GABRA3: variants seen among roughly 807,000 people sequenced by gnomAD.
GABRA3 encodes the protein gamma-aminobutyric acid receptor subunit alpha-3.
In GABRA3, 10 loss-of-function variants were observed where a neutral mutation model predicts 30.1. The observed-to-expected ratio is 0.33, with a 90% confidence interval of 0.20 to 0.56. GABRA3 has a LOEUF of 0.56. GABRA3 is among the 20% of genes least tolerant of loss of function. The pLI is 0.89. For missense variants in GABRA3, 233 were observed against 392.0 expected (o/e 0.59, Z 3.42); for synonymous variants, 151 against 146.8 (o/e 1.03, Z -0.21).
rs1938670293 is a variant in GABRA3 at position 152,258,199 on chromosome X, G to A, written c.331-2201C>T. Among the ~76,000 whole-genome samples the A allele has an allele frequency of 3.6e-5, 4 of 111,916 alleles. No homozygotes were observed. In the Admixed American group the frequency reaches 3.8e-4, roughly 11 times the overall value. On this transcript the variant is annotated intron_variant, in intron 4 of 9. Transcript: ENST00000370314. ...AAAATTATAAAGGTTATGAGGGGAA[G>A]GGAGAAAGTAAAAGCAAATTTGAAA...
At chrX:152,341,279 T>C (rs1940307862) in intron 3 of GABRA3, among the ~76,000 whole-genome samples, 1 of 111,483 alleles carries the variant, frequency 9.0e-6, no homozygotes, top group South Asian at 3.8e-4. Context: ...ACTCATTGGT[T>C]GATGGGCACT....
chrX:152,350,393 A>G (rs1317935477), intron 2 of GABRA3, among the ~76,000 whole-genome samples: 1 of 104,277 alleles, frequency 9.6e-6, no homozygotes, highest in Non-Finnish European at 2.0e-5. Flanking sequence ...CACAATTAAA[A>G]GAACTAGAAA....
intron 1 of GABRA3, among the ~76,000 whole-genome samples, chrX:152,382,848 T>C (rs1478658496): frequency 8.9e-6 from 1 of 111,770 alleles, no homozygotes; most frequent in Non-Finnish European, 1.9e-5. Flanking sequence ...GGCTTATTTC[T>C]GGGCTTCCTA....
intron 5 of GABRA3, among the ~76,000 whole-genome samples, chrX:152,243,323 C>T (rs1336814640): frequency 9.0e-6 from 1 of 111,709 alleles, no homozygotes; most frequent in Non-Finnish European, 1.9e-5. Context: ...TTAAAAATCG[C>T]TGAGAGCAGA....
intron 8 of GABRA3, among the ~76,000 whole-genome samples, chrX:152,191,821 G>A (rs1937328576): frequency 9.0e-6 from 1 of 111,321 alleles, no homozygotes; most frequent in Admixed American, 9.6e-5. Context: ...TAGGCAGGGA[G>A]TCATCAAGGC....
intron 1 of GABRA3, among the ~76,000 whole-genome samples, chrX:152,368,225 T>A: frequency 8.9e-6 from 1 of 111,809 alleles, no homozygotes; most frequent in South Asian, 3.8e-4. Context: ...GTACAAGAAA[T>A]CTCTTGGACT....
rs1603193225 is a variant in GABRA3, at chrX:152,167,445, C to T, written c.*783G>A. ...TGATCATTTTTTCCTGAAAAGTTTA[C>T]AGGTGGTAATGAGTCCAAATTAAGT... On this transcript the variant is annotated 3_prime_UTR_variant, in exon 10 of 10. Coordinates refer to ENST00000370314, the MANE Select transcript of GABRA3 (RefSeq NM_000808.4). The T allele has an allele frequency of 8.9e-6, 1 of 111,786 alleles. No homozygotes were observed. The highest frequency in any genetic ancestry group is 9.5e-5 in the Admixed American group (1 of 10,570). The allele number at this position is 111,786 out of a possible 1,213,427, so 9.2% of individuals were successfully genotyped here.
At chrX:152,430,376 G>A (rs1002671403) in intron 1 of GABRA3, among the ~76,000 whole-genome samples, 2 of 111,129 alleles carry the variant, frequency 1.8e-5, no homozygotes, top group Non-Finnish European at 3.8e-5. Context: ...ATATATGGTA[G>A]GGTAGCAAAG....
chrX:152,235,275 A>G (rs964873007), intron 5 of GABRA3, among the ~76,000 whole-genome samples: 16 of 111,714 alleles, frequency 1.4e-4, no homozygotes, highest in Non-Finnish European at 2.8e-4. Context: ...CATTACTAGT[A>G]TATGGAAATG....
At chrX:152,248,964 T>C (rs1333078295) in intron 5 of GABRA3, among the ~76,000 whole-genome samples, 1 of 111,742 alleles carries the variant, frequency 8.9e-6, no homozygotes, top group African/African-American at 3.2e-5. Flanking sequence ...AAAACATAAA[T>C]AAATCTGTAA....
intron 1 of GABRA3, among the ~76,000 whole-genome samples, chrX:152,369,303 A>G (rs1428045735): frequency 9.0e-6 from 1 of 111,640 alleles, no homozygotes; most frequent in Non-Finnish European, 1.9e-5. Flanking sequence ...CACAATGTGT[A>G]TATACCTTGA....
intron 3 of GABRA3, among the ~76,000 whole-genome samples, chrX:152,299,958 G>C (rs1035408137): frequency 2.0e-4 from 22 of 112,241 alleles, no homozygotes; most frequent in African/African-American, 6.8e-4. Context: ...CACAAAGAGA[G>C]GGAAAAGGGC....
intron 6 of GABRA3, among the ~76,000 whole-genome samples, chrX:152,214,778 G>T (rs1937685013): frequency 9.4e-6 from 1 of 106,935 alleles, no homozygotes; most frequent in Non-Finnish European, 1.9e-5. Flanking sequence ...TTTCATTGTG[G>T]AGATCTTTTA....
chrX:152,243,584 CTT>C (rs1052192312), intron 5 of GABRA3, among the ~76,000 whole-genome samples: 9 of 111,838 alleles, frequency 8.0e-5, no homozygotes, highest in African/African-American at 2.9e-4. Flanking sequence ...TTCTCTGTGT[CTT>C]GTTAGCTAAC....
At chrX:152,313,010 T>G (rs1001804894) in intron 3 of GABRA3, among the ~76,000 whole-genome samples, 3 of 111,884 alleles carry the variant, frequency 2.7e-5, no homozygotes, top group South Asian at 3.7e-4. Flanking sequence ...GAATGTAAAG[T>G]AGTTCAGCCA....
At chrX:152,182,570 A>G (rs1178088823) in intron 9 of GABRA3, among the ~76,000 whole-genome samples, 1 of 76,924 alleles carries the variant, frequency 1.3e-5, no homozygotes, top group Admixed American at 1.6e-4. Context: ...TATATACTAT[A>G]TATGCATATA....
intron 3 of GABRA3, among the ~76,000 whole-genome samples, chrX:152,334,354 T>C (rs1432447487): frequency 9.0e-6 from 1 of 111,583 alleles, no homozygotes; most frequent in African/African-American, 3.3e-5. Context: ...ATATGTGAAG[T>C]CTACTCAGTG....
At chrX:152,285,064 C>A (rs770186437) in intron 3 of GABRA3, among the ~76,000 whole-genome samples, 1 of 111,701 alleles carries the variant, frequency 9.0e-6, no homozygotes, top group Middle Eastern at 4.2e-3. Context: ...TTGCAATATC[C>A]AACACTCTTC....
intron 1 of GABRA3, among the ~76,000 whole-genome samples, chrX:152,369,390 ACAAGGTCCTACATGACCTGATCTC>A (rs1928763180): frequency 9.0e-6 from 1 of 110,503 alleles, no homozygotes; most frequent in Admixed American, 9.7e-5. Context: ...TATATGATCT[ACAAGGTCCTACATGACCTGATCTC>A]CAAATAGCTG....
Sources: gnomAD v4.1 joint callset for allele counts (sites outside exome capture counted in the v4.1 genomes callset) on GRCh38, gnomAD v4.1.1 for gene constraint, MANE v1.5 for transcripts, NCBI Gene and HGNC (gene_info 2026-07-23, HGNC 2026-07-21) for gene names.